The following DPH6 variants were observed in gnomAD, a reference collection of about 807,000 sequenced individuals.
The protein encoded by DPH6 is diphthamine biosynthesis 6.
Under a neutral mutation model 38.2 loss-of-function variants are expected in DPH6, and 33 were observed. The ratio of observed to expected loss-of-function variants is 0.86; its 90% confidence interval spans 0.65 to 1.15. DPH6 has a LOEUF of 1.15. Ranked by LOEUF, DPH6 falls within the 50% of genes most tolerant of loss-of-function variation. DPH6 has a pLI of 0.00. For missense variants in DPH6, 325 were observed against 320.0 expected (o/e 1.02, Z -0.12); for synonymous variants, 108 against 103.0 (o/e 1.05, Z -0.30).
chr15:35,154,197 A>C, the DPH6 span, among the ~76,000 whole-genome samples: 1 of 152,202 alleles, frequency 6.6e-6, no homozygotes, highest in Non-Finnish European at 1.5e-5. Flanking sequence ...CCATAAAGAA[A>C]TGATAAATGC....
chr15:35,299,459 C>A, intron 3 of DPH6: 1 of 770,374 alleles, frequency 1.3e-6, no homozygotes, highest in South Asian at 1.3e-5. Context: ...CGGTTTAATG[C>A]CGGCCCGCCC....
the DPH6 span, among the ~76,000 whole-genome samples, chr15:35,153,381 GC>G: frequency 3.3e-5 from 5 of 151,726 alleles, no homozygotes; most frequent in Non-Finnish European, 4.4e-5. Flanking sequence ...ATAGTTTATT[GC>G]CTAAGATTCA....
At chr15:35,481,336 C>T (rs1184267141) in intron 3 of DPH6, among the ~76,000 whole-genome samples, 1 of 151,802 alleles carries the variant, frequency 6.6e-6, no homozygotes, top group East Asian at 1.9e-4. Context: ...GGACAAGTAA[C>T]CTGTTTTATT....
chr15:35,186,569 A>G, the DPH6 span, among the ~76,000 whole-genome samples: 4 of 152,286 alleles, frequency 2.6e-5, no homozygotes, highest in Admixed American at 2.6e-4. Context: ...TGGAATTTCC[A>G]CCACCCTGCT....
At chr15:35,415,390 T>C (rs1026695684) in intron 5 of DPH6, among the ~76,000 whole-genome samples, 3 of 152,028 alleles carry the variant, frequency 2.0e-5, no homozygotes, top group Admixed American at 6.6e-5. Flanking sequence ...TGCAAATATA[T>C]GCCTATAAGG....
At chr15:35,238,524 A>G (rs545319849) in intron 3 of DPH6, among the ~76,000 whole-genome samples, 109 of 152,316 alleles carry the variant, frequency 7.2e-4, no homozygotes, top group Non-Finnish European at 1.2e-3. Flanking sequence ...ACAATTTAGT[A>G]ATGAGATTAT....
chr15:35,356,036 A>G (rs1310974287), intron 3 of DPH6, among the ~76,000 whole-genome samples: 1 of 151,818 alleles, frequency 6.6e-6, no homozygotes, highest in Non-Finnish European at 1.5e-5. Flanking sequence ...CATTCATTTG[A>G]TCTTCCATCA....
chr15:35,268,256 A>G (rs2051797334), intron 3 of DPH6, among the ~76,000 whole-genome samples: 1 of 151,848 alleles, frequency 6.6e-6, no homozygotes, highest in Admixed American at 6.6e-5. Flanking sequence ...GTGTATCATT[A>G]ATAAAATAAA....
At chr15:35,293,438 G>C (rs766797901) in intron 3 of DPH6, among the ~76,000 whole-genome samples, 2 of 152,082 alleles carry the variant, frequency 1.3e-5, no homozygotes, top group Non-Finnish European at 2.9e-5. Context: ...AATCCTAATT[G>C]TTTCCAACAC....
chr15:35,229,501 G>A (rs2051503112), intron 3 of DPH6, among the ~76,000 whole-genome samples: 1 of 151,962 alleles, frequency 6.6e-6, no homozygotes, highest in African/African-American at 2.4e-5. Flanking sequence ...TGAATTTTCT[G>A]TCTGAAAGGT....
chr15:35,218,417 T>C (rs930077058), exon 4 of DPH6: 5 of 152,218 alleles, frequency 3.3e-5, no homozygotes, highest in African/African-American at 1.2e-4. Flanking sequence ...CCTTCTGACT[T>C]GACAGTCAAA....
At chr15:35,471,986 T>A (rs1031968559) in intron 3 of DPH6, among the ~76,000 whole-genome samples, 1 of 152,204 alleles carries the variant, frequency 6.6e-6, no homozygotes, top group Non-Finnish European at 1.5e-5. Flanking sequence ...TTTTAATTTA[T>A]CATTTTGTGA....
chr15:35,496,564 A>AT (rs1360064768), intron 3 of DPH6, among the ~76,000 whole-genome samples: 1,913 of 94,564 alleles, frequency 0.02, 44 homozygotes, highest in Non-Finnish European at 0.029. Context: ...TCAAAAAAAA[A>AT]AAAATATATA....
intron 5 of DPH6, among the ~76,000 whole-genome samples, chr15:35,427,898 T>C (rs1412068376): frequency 6.6e-6 from 1 of 151,832 alleles, no homozygotes; most frequent in African/African-American, 2.4e-5. Context: ...GGGTTACCTC[T>C]TCCAGAAGCA....
chr15:35,251,117 C>T (rs975580413), intron 3 of DPH6, among the ~76,000 whole-genome samples: 2 of 152,202 alleles, frequency 1.3e-5, no homozygotes, highest in Non-Finnish European at 2.9e-5. Flanking sequence ...AAGTTGAATA[C>T]TGTTTATACA....
chr15:35,295,317 C>CA (rs1251221977), intron 3 of DPH6, among the ~76,000 whole-genome samples: 1 of 152,182 alleles, frequency 6.6e-6, no homozygotes, highest in Non-Finnish European at 1.5e-5. Context: ...CCCAAGTCCA[C>CA]AGTTATTTCT....
intron 3 of DPH6, among the ~76,000 whole-genome samples, chr15:35,535,751 T>C (rs1271163753): frequency 6.6e-6 from 1 of 152,186 alleles, no homozygotes; most frequent in Non-Finnish European, 1.5e-5. Flanking sequence ...CAGCTTGAGA[T>C]ACATACCTCT....
At chr15:35,308,773 T>C (rs2052115199) in intron 3 of DPH6, among the ~76,000 whole-genome samples, 1 of 152,152 alleles carries the variant, frequency 6.6e-6, no homozygotes, top group Middle Eastern at 3.2e-3. Context: ...ATAAATGTAA[T>C]TTGAATGTAA....
At chr15:35,487,915 C>T (rs1656358375) in intron 3 of DPH6, among the ~76,000 whole-genome samples, 2 of 152,168 alleles carry the variant, frequency 1.3e-5, no homozygotes, top group Admixed American at 6.5e-5. Flanking sequence ...TAGAAACAGC[C>T]AGGTCACATC....
Sources: allele counts gnomAD v4.1 joint callset (sites outside exome capture counted in the v4.1 genomes callset), GRCh38; gene constraint gnomAD v4.1.1; transcripts MANE v1.5; gene names NCBI Gene and HGNC (gene_info 2026-07-23, HGNC 2026-07-21).